Variants in COG2 observed in about 807,000 individuals in gnomAD.
COG2 encodes the protein conserved oligomeric Golgi complex subunit 2.
In COG2, 52 loss-of-function variants were observed where a neutral mutation model predicts 90.6. That is an observed-to-expected ratio of 0.57 (90% confidence interval 0.46 to 0.72). The LOEUF is 0.72. Among genes scored for constraint, COG2 ranks in the 30% least tolerant of loss-of-function variants. The probability of loss-of-function intolerance (pLI) is 0.00; values close to 1 mark genes in which losing one functional copy is unlikely to be tolerated. For synonymous variants in COG2, 337 were observed against 320.4 expected, an observed-to-expected ratio of 1.05 and a Z score of -0.55; for missense variants, 829 against 891.2, an observed-to-expected ratio of 0.93 and a Z score of 0.89.
At position 230,668,773 on chromosome 1, in the gene COG2, A is replaced by G. The variant is rs747187513; in HGVS notation, c.583A>G (p.Lys195Glu). The G allele has an allele frequency of 7.5e-6, 12 of 1,599,424 alleles. No homozygotes were observed. Among genetic ancestry groups the G allele is most frequent in the Non-Finnish European group, 1.0e-5 (12 of 1,168,964 alleles). Residue 195 changes from lysine (K) to glutamate (E), a missense_variant, in exon 6 of 18, where the codon AAA becomes GAA. Coordinates refer to ENST00000366669, the MANE Select transcript of COG2 (RefSeq NM_007357.3). ...VQSKGMPLLD[K>E]VRPRIAGITA... ...AAGCAAAGGCATGCCTCTTTTGGAC[A>G]AAGTAAGACCGGTAAGTGTTGTTTT...
intron 16 of COG2, among the ~76,000 whole-genome samples, chr1:230,690,800 A>T (rs956039979): frequency 5.3e-5 from 8 of 152,254 alleles, no homozygotes; most frequent in South Asian, 2.1e-4. Flanking sequence ...ACAATGATGT[A>T]TAATACAGTT....
chr1:230,668,950 G>A, intron 6 of COG2, 166 bp downstream of exon 6: 1 of 515,486 alleles, frequency 1.9e-6, no homozygotes, highest in Non-Finnish European at 3.4e-6. Context: ...ACACATTATA[G>A]ATTTTGTGTA....
intron 1 of COG2, among the ~76,000 whole-genome samples, chr1:230,650,477 T>C (rs1007667716): frequency 1.3e-5 from 2 of 152,198 alleles, no homozygotes; most frequent in Admixed American, 1.3e-4. Context: ...TTTTTTCATA[T>C]GTTTGTTGGA....
intron 15 of COG2, among the ~76,000 whole-genome samples, chr1:230,689,756 G>A (rs1470151300): frequency 1.3e-5 from 2 of 152,210 alleles, no homozygotes; most frequent in Non-Finnish European, 2.9e-5. Flanking sequence ...GCCCTGAGCG[G>A]TGGGTGGCTG....
chr1:230,666,427 G>T (rs1008601041), intron 5 of COG2, among the ~76,000 whole-genome samples: 10 of 152,050 alleles, frequency 6.6e-5, no homozygotes, highest in African/African-American at 2.4e-4. Context: ...CTCGTTTCAG[G>T]CAGTGGCCTC....
intron 6 of COG2, 95 bp from the exon 7 acceptor site, chr1:230,669,261 T>C (rs962401973): frequency 2.8e-6 from 3 of 1,079,954 alleles, no homozygotes; most frequent in Non-Finnish European, 4.0e-6. Flanking sequence ...TATGTCATTA[T>C]CTGTTGGTGT....
chr1:230,686,199 G>A (rs1470647677), intron 12 of COG2, among the ~76,000 whole-genome samples: 1 of 152,212 alleles, frequency 6.6e-6, no homozygotes, highest in Non-Finnish European at 1.5e-5. Flanking sequence ...GCTCCTGTCA[G>A]GTAATGGGAG....
chr1:230,642,736 C>A lies in COG2; in HGVS notation c.72+58C>A, dbSNP rs534195774. The stretch of plus-strand genomic sequence containing the variant: ...CATGAGGGTGCCTCTGCCCTGTGCC[C>A]TCTGTGGCGGTCTCTTCGGTCGGCT... On this transcript the variant is annotated intron_variant, in intron 1 of 17. Transcript: ENST00000366669. The A allele has an allele frequency of 3.9e-6, 6 of 1,538,998 alleles. No individual in the cohort carries two copies. In the East Asian group the frequency reaches 1.2e-4, roughly 31 times the overall value.
intron 17 of COG2, chr1:230,691,786 C>G (rs1441878877): frequency 4.1e-6 from 2 of 488,340 alleles, no homozygotes; most frequent in Non-Finnish European, 7.2e-6. Context: ...GGCGTGCTCT[C>G]TGGTGCTGTT....
intron 10 of COG2, chr1:230,679,355 G>C: frequency 4.4e-6 from 1 of 224,802 alleles, no homozygotes; most frequent in Non-Finnish European, 8.6e-6. Context: ...ATTGTGAAAA[G>C]AGAAAGTAGG....
At position 230,693,816 on chromosome 1, in the gene COG2, C is replaced by T. The variant is rs1663103011; in HGVS notation, c.*423C>T. On this transcript the variant is annotated 3_prime_UTR_variant, in exon 18 of 18. Coordinates refer to ENST00000366669, the MANE Select transcript of COG2 (RefSeq NM_007357.3). ...ATGTCTTGTATAGAAATGCCCTTCT[C>T]TGAAATAAAGAGAACTCCTGGGCTT... The T allele has an allele frequency of 6.5e-6, 1 of 152,746 alleles. No homozygotes were observed. Among genetic ancestry groups the T allele is most frequent in the Admixed American group, 6.5e-5 (1 of 15,290 alleles). 9.5% of individuals were successfully genotyped at this position (152,746 alleles called of 1,614,324 possible). A position where few individuals can be genotyped will look rare whatever the true frequency, so the allele number is the denominator to read the frequency against.
intron 1 of COG2, among the ~76,000 whole-genome samples, chr1:230,655,346 T>C (rs540478777): frequency 7.2e-5 from 11 of 152,326 alleles, no homozygotes; most frequent in African/African-American, 2.6e-4. Flanking sequence ...TCTGCATCTA[T>C]TGAGTTAATC....
At chr1:230,683,001 AGCGCT>A (rs1662790468) in intron 10 of COG2, 1 of 152,452 alleles carries the variant, frequency 6.6e-6, no homozygotes, top group Non-Finnish European at 1.5e-5. Context: ...ACATCTAGGA[AGCGCT>A]GGTACAGACA....
At chr1:230,646,894 A>G (rs568051127) in intron 1 of COG2, among the ~76,000 whole-genome samples, 59 of 152,070 alleles carry the variant, frequency 3.9e-4, no homozygotes, top group East Asian at 3.1e-3. Flanking sequence ...CTTCCCAAAT[A>G]TCTCTGAAAT....
rs377725531 is a variant in COG2 at position 230,668,820 on chromosome 1, T to C, written c.594+36T>C. 9.5e-4 allele frequency: 1,219 copies of C among 1,278,702 alleles called. 4 individuals are homozygous for C. The highest frequency in any genetic ancestry group is 2.8e-3 in the Middle Eastern group (15 of 5,342). The allele number at this position is 1,278,702 out of a possible 1,614,324, so 79.2% of individuals were successfully genotyped here. ...TTTTGGATTTCCACAGTTTGGTGTT[T>C]AGGGACTTGCTAAATAATTCTGGTT... On this transcript the variant is annotated intron_variant, in intron 6 of 17. Transcript: ENST00000366669.
intron 1 of COG2, among the ~76,000 whole-genome samples, chr1:230,643,744 C>T (rs1043121799): frequency 6.6e-6 from 1 of 151,950 alleles, no homozygotes; most frequent in African/African-American, 2.4e-5. Flanking sequence ...AATAATGTAC[C>T]TTATTCTTGT....
intron 12 of COG2, among the ~76,000 whole-genome samples, chr1:230,686,172 G>A (rs984428536): frequency 1.3e-5 from 2 of 152,214 alleles, no homozygotes; most frequent in Admixed American, 6.5e-5. Context: ...CTGTTGTGAG[G>A]ATTTATTTGG....
Position 230,690,153 on chromosome 1 carries a change from A to G in COG2, c.1934A>G (p.Lys645Arg), listed in dbSNP as rs1662988411. 1 of 1,611,416 alleles carries G rather than the reference A, an allele frequency of 6.2e-7. No individual in the cohort carries two copies. The highest frequency in any genetic ancestry group is 1.1e-5 in the South Asian group (1 of 90,574). The change falls in exon 16 of 18, where the codon AAG becomes AGG. Residue 645 changes from lysine (K) to arginine (R), a missense_variant and splice_region_variant. Transcript: ENST00000366669. ...LEGTLSESTHKYYETVSDVLN... is the reference protein window; with the variant it reads ...LEGTLSESTHRYYETVSDVLN... ...GGCACTCTCAGTGAAAGCACTCATAAGTAAGTAAATTAAAAGCAGACCTTG... is the reference window on the plus strand; with the variant it reads ...GGCACTCTCAGTGAAAGCACTCATAGGTAAGTAAATTAAAAGCAGACCTTG...
At chr1:230,645,512 T>G (rs538896537) in intron 1 of COG2, among the ~76,000 whole-genome samples, 42 of 152,274 alleles carry the variant, frequency 2.8e-4, no homozygotes, top group African/African-American at 9.4e-4. Flanking sequence ...CTGTTCTCAC[T>G]CCCATCATTA....
Sources: allele counts gnomAD v4.1 joint callset (sites outside exome capture counted in the v4.1 genomes callset), GRCh38; gene constraint gnomAD v4.1.1; transcripts MANE v1.5; gene names NCBI Gene and HGNC (gene_info 2026-07-23, HGNC 2026-07-21).